TNIK: variants seen among roughly 807,000 people sequenced by gnomAD.
TNIK encodes the protein TRAF2 and NCK-interacting protein kinase.
A neutral mutation model predicts 191.3 loss-of-function variants in TNIK; 49 were observed. That is an observed-to-expected ratio of 0.26 (90% CI 0.20 to 0.32). The LOEUF (loss-of-function observed/expected upper bound fraction) is 0.32. Ranked by LOEUF, TNIK falls within the 10% of genes least tolerant of loss-of-function variation. The probability of loss-of-function intolerance (pLI) is 1.00; values close to 1 mark genes in which losing one functional copy is unlikely to be tolerated. For synonymous variants in TNIK, 594 were observed against 600.9 expected, an observed-to-expected ratio of 0.99 and a Z score of 0.17; for missense variants, 1,155 against 1,702.3, an observed-to-expected ratio of 0.68 and a Z score of 5.66.
intron 2 of TNIK, among the ~76,000 whole-genome samples, chr3:171,279,920 C>T (rs1232222973): frequency 6.6e-6 from 1 of 152,098 alleles, no homozygotes; most frequent in East Asian, 1.9e-4. Context: ...TATCTTACTC[C>T]CCCAGGTATC....
At chr3:171,097,046 T>C (rs1016184897) in intron 22 of TNIK, among the ~76,000 whole-genome samples, 1 of 152,210 alleles carries the variant, frequency 6.6e-6, no homozygotes, top group Non-Finnish European at 1.5e-5. Flanking sequence ...ATTGGGTGGT[T>C]ATCATAGAAT....
chr3:171,309,511 T>C (rs548835130), intron 2 of TNIK, among the ~76,000 whole-genome samples: 11 of 152,210 alleles, frequency 7.2e-5, no homozygotes, highest in Admixed American at 5.9e-4. Flanking sequence ...AGCATGCAAT[T>C]TATCTGTAGA....
chr3:171,280,724 T>C (rs1750332511), intron 2 of TNIK, among the ~76,000 whole-genome samples: 1 of 151,908 alleles, frequency 6.6e-6, no homozygotes, highest in South Asian at 2.1e-4. Context: ...AAAGCATCCA[T>C]CACTTTAAAA....
At chr3:171,265,155 C>T (rs940776409) in intron 2 of TNIK, among the ~76,000 whole-genome samples, 1 of 152,144 alleles carries the variant, frequency 6.6e-6, no homozygotes, top group African/African-American at 2.4e-5. Flanking sequence ...CAAATGTAGG[C>T]ACCAGGAAGC....
At chr3:171,253,958 G>A (rs552856167) in intron 2 of TNIK, among the ~76,000 whole-genome samples, 1 of 152,146 alleles carries the variant, frequency 6.6e-6, no homozygotes, top group Admixed American at 6.5e-5. Flanking sequence ...AAATTATGAA[G>A]TGTGTCTTTC....
At chr3:171,118,572 T>G (rs1727131797) in intron 18 of TNIK, among the ~76,000 whole-genome samples, 1 of 152,158 alleles carries the variant, frequency 6.6e-6, no homozygotes, top group African/African-American at 2.4e-5. Context: ...AACAGCATGG[T>G]ACTGGTACCA....
At chr3:171,129,850 G>A (rs1024201471) in intron 15 of TNIK, among the ~76,000 whole-genome samples, 8 of 152,276 alleles carry the variant, frequency 5.3e-5, no homozygotes, top group Middle Eastern at 3.4e-3. Flanking sequence ...AACAAGGTGC[G>A]CACTCTAAGA....
chr3:171,311,638 C>G (rs1577435751), intron 2 of TNIK, among the ~76,000 whole-genome samples: 2 of 152,130 alleles, frequency 1.3e-5, no homozygotes, highest in African/African-American at 4.8e-5. Context: ...TATTGAGAAC[C>G]TTCCCCCAGA....
chr3:171,110,794 G>T lies in TNIK; in HGVS notation c.2204C>A (p.Thr735Asn), dbSNP rs1353505265. The T allele has an allele frequency of 1.8e-5, 29 of 1,604,444 alleles. No individual in the cohort carries two copies. The highest frequency in any genetic ancestry group is 2.3e-5 in the Non-Finnish European group (27 of 1,175,882). The change falls in exon 19 of 33, where the codon ACC becomes AAC. Residue 735 changes from threonine (T) to asparagine (N), a missense_variant. Thr to Asn is a moderately conservative substitution (Grantham distance 65). Around this residue, in one of 3 missense-constraint regions of TNIK, gnomAD observed 735 missense variants for 848.0 expected, o/e 0.87. Transcript: ENST00000436636. ...TSSGSSSSSSTPSSQPSSQGG... is the reference protein window; with the variant it reads ...TSSGSSSSSSNPSSQPSSQGG... ...TTGGGAGCTGGGCTGGGAGCTAGGG[G>T]TGCTGGAGCTGGAGGAACTGCCACT... is the stretch of plus-strand genomic sequence containing the variant.
intron 2 of TNIK, among the ~76,000 whole-genome samples, chr3:171,276,542 A>T (rs1352362774): frequency 6.6e-6 from 1 of 152,238 alleles, no homozygotes; most frequent in Non-Finnish European, 1.5e-5. Flanking sequence ...AAATTAAACT[A>T]TAATGATCAT....
At chr3:171,290,493 T>C (rs559332467) in intron 2 of TNIK, among the ~76,000 whole-genome samples, 9 of 152,328 alleles carry the variant, frequency 5.9e-5, no homozygotes, top group Non-Finnish European at 1.0e-4. Context: ...TGGCACACAA[T>C]AGATATGTGA....
At chr3:171,232,076 G>A (rs1005296191) in intron 2 of TNIK, among the ~76,000 whole-genome samples, 1 of 152,166 alleles carries the variant, frequency 6.6e-6, no homozygotes, top group African/African-American at 2.4e-5. Context: ...CGAAGGGGAT[G>A]TTATTGCAAT....
rs566505390 is a variant in TNIK, at chr3:171,350,194, A to T, written c.123+19426T>A. On this transcript the variant is annotated intron_variant, in intron 2 of 32. Coordinates refer to ENST00000436636, the MANE Select transcript of TNIK (RefSeq NM_015028.4). ...ACAAAATATTGCAGCTAATAAGCAG[A>T]ATCAAAATTTGAACTCAGATCTGCT... is the stretch of plus-strand genomic sequence containing the variant. 2.0e-5 allele frequency among the ~76,000 whole-genome samples: 3 copies of T among 152,314 alleles called. No individual in the cohort carries two copies. In the East Asian group the frequency reaches 5.8e-4, roughly 29 times the overall value.
At chr3:171,403,611 C>CAAAAGAAAA (rs1721255041) in intron 1 of TNIK, among the ~76,000 whole-genome samples, 1 of 100,168 alleles carries the variant, frequency 1.0e-5, no homozygotes, top group Non-Finnish European at 1.9e-5. Context: ...GACTCCGTAT[C>CAAAAGAAAA]AAAAAAAAAA....
chr3:171,304,973 C>T (rs1408907072), intron 2 of TNIK, among the ~76,000 whole-genome samples: 2 of 140,342 alleles, frequency 1.4e-5, no homozygotes, highest in African/African-American at 5.4e-5. Flanking sequence ...CAAACCTGCA[C>T]GTTGTGTACA....
chr3:171,248,014 G>A (rs1408727159), intron 2 of TNIK, among the ~76,000 whole-genome samples: 2 of 152,132 alleles, frequency 1.3e-5, no homozygotes, highest in South Asian at 2.1e-4. Flanking sequence ...GGGCAATTCT[G>A]GGCAAGGGAG....
chr3:171,069,062 C>G (rs555073041), intron 29 of TNIK, 65 bp from the exon 30 acceptor site: 10 of 1,540,430 alleles, frequency 6.5e-6, no homozygotes, highest in East Asian at 2.3e-5. Flanking sequence ...TTTCCTTTAG[C>G]CACTGTCTAG....
chr3:171,238,366 A>G (rs1223471507), intron 2 of TNIK, among the ~76,000 whole-genome samples: 1 of 152,046 alleles, frequency 6.6e-6, no homozygotes, highest in African/African-American at 2.4e-5. Flanking sequence ...AATATACTAC[A>G]TTGTAAATAT....
intron 2 of TNIK, among the ~76,000 whole-genome samples, chr3:171,267,675 T>C (rs77960531): frequency 0.019 from 2,895 of 152,282 alleles, 100 homozygotes; most frequent in African/African-American, 0.067. Context: ...GTGCCATCCA[T>C]GAGCAAAGGA....
Sources: allele counts gnomAD v4.1 joint callset (sites outside exome capture counted in the v4.1 genomes callset), GRCh38; gene constraint gnomAD v4.1.1; regional missense constraint gnomAD v4.1.1; transcripts MANE v1.5; gene names NCBI Gene and HGNC (gene_info 2026-07-23, HGNC 2026-07-21).